Variants in PTPRZ1 observed in about 807,000 individuals in gnomAD.
PTPRZ1 encodes the protein protein tyrosine phosphatase receptor type Z1.
Under a neutral mutation model 214.1 loss-of-function variants are expected in PTPRZ1, and 82 were observed. The ratio of observed to expected loss-of-function variants is 0.38; its 90% CI spans 0.32 to 0.46. The LOEUF (loss-of-function observed/expected upper bound fraction) is 0.46. PTPRZ1 is among the 20% of genes least tolerant of loss of function. The pLI, the probability that PTPRZ1 is intolerant of heterozygous loss-of-function variation, is 1.00. For synonymous variants in PTPRZ1, 945 were observed against 987.9 expected (o/e 0.96, Z 0.81); for missense variants, 2,603 against 2,748.7 (o/e 0.95, Z 1.19).
rs751283091 is a variant in PTPRZ1, at chr7:122,051,922, A to G, written c.6235A>G (p.Asn2079Asp). The G allele has an allele frequency of 1.9e-6, 3 of 1,610,004 alleles. No individual in the cohort carries two copies. Among genetic ancestry groups the G allele is most frequent in the South Asian group, 2.2e-5 (2 of 90,256 alleles). ...GAGTGGAGAAGGCACAGACTACATC[A>G]ATGCCTCCTATATCATGGTAAGTCA... ...SLSGEGTDYI[N>D]ASYIMGYYQS... Residue 2079 changes from asparagine to aspartate, a missense_variant, in exon 25 of 30, where the codon AAT becomes GAT. This residue lies in a region of PTPRZ1 where 134 missense variants were observed against 183.3 expected (regional missense o/e 0.73). Transcript: ENST00000393386.
At chr7:121,925,744 A>G (rs1795737749) in intron 1 of PTPRZ1, among the ~76,000 whole-genome samples, 1 of 152,246 alleles carries the variant, frequency 6.6e-6, no homozygotes, top group African/African-American at 2.4e-5. Flanking sequence ...TCATAAAGAT[A>G]TGAGTTTATC....
chr7:121,943,177 T>C (rs1483034892), intron 2 of PTPRZ1, among the ~76,000 whole-genome samples: 1 of 152,232 alleles, frequency 6.6e-6, no homozygotes, highest in Non-Finnish European at 1.5e-5. Flanking sequence ...TGTATTTAAA[T>C]AACATTAAAG....
chr7:121,879,856 A>C (rs1794182535), intron 1 of PTPRZ1, among the ~76,000 whole-genome samples: 1 of 130,314 alleles, frequency 7.7e-6, no homozygotes, highest in African/African-American at 2.9e-5. Context: ...TTTATCCTTC[A>C]TTCCTTTAAT....
chr7:122,053,149 A>G (rs1198891226), intron 25 of PTPRZ1, among the ~76,000 whole-genome samples: 1 of 152,158 alleles, frequency 6.6e-6, no homozygotes, highest in Non-Finnish European at 1.5e-5. Context: ...CAGAGCAAGC[A>G]GGGAAAGAGA....
In PTPRZ1 at chr7:122,042,658, A is replaced by G; in HGVS notation, c.5852A>G (p.Gln1951Arg). Reference protein sequence around the residue: ...GTYIVLDSMLQQIQHEGTVNI... With the variant: ...GTYIVLDSMLRQIQHEGTVNI... ...TATATTGTGCTAGACAGTATGTTGC[A>G]GCAGATTCAACACGAAGGAACTGTC... Residue 1951 changes from glutamine to arginine, a missense_variant, in exon 22 of 30, where the codon CAG becomes CGG. By Grantham distance (43) the Gln-to-Arg change is conservative. Around this residue, in one of 6 missense-constraint regions of PTPRZ1, gnomAD observed 1,913 missense variants for 1,914.3 expected, o/e 1.00. Transcript: ENST00000393386. 1 of 1,613,940 alleles carries G rather than the reference A, an allele frequency of 6.2e-7. No individual in the cohort carries two copies. Among genetic ancestry groups the G allele is most frequent in the Non-Finnish European group, 8.5e-7 (1 of 1,179,828 alleles).
chr7:122,041,059 C>T (rs1230059643), intron 21 of PTPRZ1, 80 bp downstream of exon 21: 30 of 1,243,572 alleles, frequency 2.4e-5, no homozygotes, highest in Non-Finnish European at 3.0e-5. Context: ...AAAGCTTTTG[C>T]CCAAATGGGA....
chr7:122,005,182 C>G (rs1240141028), intron 11 of PTPRZ1, among the ~76,000 whole-genome samples: 1 of 151,844 alleles, frequency 6.6e-6, no homozygotes, highest in Non-Finnish European at 1.5e-5. Context: ...ACAACAGGCA[C>G]TTATACTACG....
chr7:121,910,607 G>A (rs748541823), intron 1 of PTPRZ1, among the ~76,000 whole-genome samples: 1 of 151,780 alleles, frequency 6.6e-6, no homozygotes, highest in Non-Finnish European at 1.5e-5. Flanking sequence ...ATTAGTTGAA[G>A]GTATCAATTA....
intron 12 of PTPRZ1, among the ~76,000 whole-genome samples, chr7:122,015,382 T>C (rs934941219): frequency 2.0e-5 from 3 of 152,134 alleles, no homozygotes; most frequent in Non-Finnish European, 4.4e-5. Flanking sequence ...TTTTAATTAG[T>C]TGTATATTTT....
At chr7:121,993,340 A>C (rs1798028998) in intron 8 of PTPRZ1, among the ~76,000 whole-genome samples, 1 of 151,730 alleles carries the variant, frequency 6.6e-6, no homozygotes, top group Admixed American at 6.6e-5. Context: ...TCACGAGGTC[A>C]GGAGATCGAG....
Position 122,010,864 on chromosome 7 carries a change from GTATA to G in PTPRZ1, c.1822_1825del (p.Ile608PhefsTer9). The G allele has an allele frequency of 6.2e-7, 1 of 1,613,976 alleles. No homozygotes were observed. Among genetic ancestry groups the G allele is most frequent in the Non-Finnish European group, 8.5e-7 (1 of 1,179,986 alleles). On this transcript the variant is annotated frameshift_variant, in exon 12 of 30. Coordinates refer to ENST00000393386, the MANE Select transcript of PTPRZ1 (RefSeq NM_002851.3). LOFTEE classifies it high-confidence loss of function. ...TCATCTCTGAGAACATATCCCAAGG[GTATA>G]TATTTTCCTCCGAAAACCCAGAGAC...
intron 12 of PTPRZ1, among the ~76,000 whole-genome samples, chr7:122,017,028 A>G (rs1798863679): frequency 6.6e-6 from 1 of 152,128 alleles, no homozygotes; most frequent in African/African-American, 2.4e-5. Context: ...TGATGCTGCT[A>G]TTCTGGGGAT....
chr7:121,939,187 A>G (rs944667616), intron 2 of PTPRZ1, among the ~76,000 whole-genome samples: 5 of 152,272 alleles, frequency 3.3e-5, no homozygotes, highest in African/African-American at 1.2e-4. Context: ...AATAGATTAT[A>G]CAAAAGATAA....
At chr7:122,043,562 G>A (rs1343328407) in intron 22 of PTPRZ1, among the ~76,000 whole-genome samples, 3 of 152,276 alleles carry the variant, frequency 2.0e-5, no homozygotes, top group Middle Eastern at 6.8e-3. Flanking sequence ...ATGGCAGCTT[G>A]AAAGCAATCA....
At chr7:121,936,980 C>T (rs1273825822) in intron 2 of PTPRZ1, among the ~76,000 whole-genome samples, 2 of 152,138 alleles carry the variant, frequency 1.3e-5, no homozygotes, top group East Asian at 1.9e-4. Context: ...ATGAGATAAC[C>T]GCTTGACTGA....
chr7:121,978,022 C>T (rs1254205668), intron 6 of PTPRZ1, among the ~76,000 whole-genome samples: 10 of 152,120 alleles, frequency 6.6e-5, no homozygotes, highest in Non-Finnish European at 1.5e-5. Flanking sequence ...TCTCTTAAGG[C>T]CTCTTTACTT....
intron 6 of PTPRZ1, among the ~76,000 whole-genome samples, chr7:121,978,641 G>C (rs1430523439): frequency 1.3e-5 from 2 of 152,222 alleles, no homozygotes; most frequent in East Asian, 3.9e-4. Context: ...AACACATGGG[G>C]ATTACAATTT....
intron 19 of PTPRZ1, 117 bp downstream of exon 19, chr7:122,039,006 T>A: frequency 8.9e-7 from 1 of 1,125,976 alleles, no homozygotes; most frequent in Admixed American, 2.2e-5. Flanking sequence ...TTGGGATTCT[T>A]TTTTAGTAAA....
chr7:122,054,202 C>T (rs978645959), intron 26 of PTPRZ1, among the ~76,000 whole-genome samples, 164 bp downstream of exon 26: 10 of 152,116 alleles, frequency 6.6e-5, no homozygotes, highest in Non-Finnish European at 1.3e-4. Flanking sequence ...TTTCATTATA[C>T]AATCTCCTAG....
Sources: allele counts gnomAD v4.1 joint callset (sites outside exome capture counted in the v4.1 genomes callset), GRCh38; gene constraint gnomAD v4.1.1; regional missense constraint gnomAD v4.1.1; transcripts MANE v1.5; gene names NCBI Gene and HGNC (gene_info 2026-07-23, HGNC 2026-07-21).